The following NDUFA12 variants were observed in gnomAD, a reference collection of about 807,000 sequenced individuals.
The protein encoded by NDUFA12 is NADH dehydrogenase [ubiquinone] 1 alpha subcomplex subunit 12.
NDUFA12 carries 17 observed loss-of-function variants against 20.3 expected under a neutral mutation model. The observed-to-expected ratio is 0.84, with a 90% CI of 0.57 to 1.26. NDUFA12 has a LOEUF of 1.26. Among genes scored for constraint, NDUFA12 ranks in the 50% most tolerant of loss-of-function variants. The probability of loss-of-function intolerance (pLI) is 0.00; values close to 1 mark genes in which losing one functional copy is unlikely to be tolerated. For synonymous variants in NDUFA12, 72 were observed against 63.6 expected (o/e 1.13, Z -0.63); for missense variants, 191 against 183.7 (o/e 1.04, Z -0.23).
chr12:95,002,207 C>G lies in NDUFA12; in HGVS notation c.169+532G>C, dbSNP rs556879737. Reference sequence around the variant, plus strand: ...CTGTAATCCCAGCACTTTGGGGGGCCAAGGCGGGTGGATCACGAGGTCAGG... The same window carrying G: ...CTGTAATCCCAGCACTTTGGGGGGCGAAGGCGGGTGGATCACGAGGTCAGG... On this transcript the variant is annotated intron_variant, in intron 2 of 3. Coordinates refer to ENST00000327772, the MANE Select transcript of NDUFA12 (RefSeq NM_018838.5). Among the ~76,000 whole-genome samples, 83 of 150,764 alleles carry G rather than the reference C, an allele frequency of 5.5e-4. 1 individual carries two copies. The highest frequency in any genetic ancestry group is 4.2e-3 in the South Asian group (20 of 4,774).
chr12:94,978,380 G>C (rs1874127552), intron 3 of NDUFA12, among the ~76,000 whole-genome samples: 1 of 152,186 alleles, frequency 6.6e-6, no homozygotes, highest in Non-Finnish European at 1.5e-5. Context: ...GGGATATATG[G>C]AGAAACGAAA....
At chr12:94,986,115 A>T (rs11107843) in intron 3 of NDUFA12, among the ~76,000 whole-genome samples, 12 of 127,644 alleles carry the variant, frequency 9.4e-5, no homozygotes, top group African/African-American at 2.5e-4. Flanking sequence ...ATAAATAAAT[A>T]AGCTAGTCTC....
chr12:95,001,874 T>G (rs1286053236), intron 2 of NDUFA12, among the ~76,000 whole-genome samples: 1 of 151,852 alleles, frequency 6.6e-6, no homozygotes, highest in Non-Finnish European at 1.5e-5. Context: ...CCAGCTAATT[T>G]TTGTATTTTT....
intron 3 of NDUFA12, among the ~76,000 whole-genome samples, chr12:94,979,675 A>T (rs1874175384): frequency 6.6e-6 from 1 of 151,872 alleles, no homozygotes; most frequent in African/African-American, 2.4e-5. Flanking sequence ...TATAAAAAAA[A>T]AAATACAAAA....
intron 3 of NDUFA12, among the ~76,000 whole-genome samples, chr12:94,979,836 A>AG (rs1874181200): frequency 2.3e-5 from 1 of 43,400 alleles, no homozygotes; most frequent in Admixed American, 2.4e-4. Context: ...ACCCTGTCTC[A>AG]AAAAAAAAAA....
intron 2 of NDUFA12, among the ~76,000 whole-genome samples, chr12:94,997,865 G>A (rs933224898): frequency 1.3e-5 from 2 of 152,150 alleles, no homozygotes; most frequent in Non-Finnish European, 2.9e-5. Flanking sequence ...CTTATTATGT[G>A]CCAAGCATTA....
intron 3 of NDUFA12, among the ~76,000 whole-genome samples, chr12:94,986,769 C>T (rs1332230275): frequency 1.3e-5 from 2 of 151,886 alleles, no homozygotes; most frequent in South Asian, 2.1e-4. Flanking sequence ...TCAGCCTGGG[C>T]GACAGAGTGA....
At chr12:94,990,176 C>A (rs1446681510) in intron 3 of NDUFA12, among the ~76,000 whole-genome samples, 3 of 151,696 alleles carry the variant, frequency 2.0e-5, no homozygotes, top group African/African-American at 7.3e-5. Flanking sequence ...ACCATCATGG[C>A]ACATGTTTAC....
chr12:95,002,337 C>G (rs1420662349), intron 2 of NDUFA12, among the ~76,000 whole-genome samples: 4 of 145,868 alleles, frequency 2.7e-5, no homozygotes, highest in Non-Finnish European at 6.0e-5. Context: ...ACTACTCAGG[C>G]AGGCTGAGGC....
chr12:94,975,530 G>A (rs1038645456), intron 3 of NDUFA12, among the ~76,000 whole-genome samples: 20 of 152,216 alleles, frequency 1.3e-4, no homozygotes, highest in Non-Finnish European at 2.5e-4. Context: ...CCCTTCTAGA[G>A]GGCAATTTGG....
chr12:94,992,515 CT>C (rs1177717868), intron 3 of NDUFA12, among the ~76,000 whole-genome samples: 1 of 152,206 alleles, frequency 6.6e-6, no homozygotes, highest in East Asian at 1.9e-4. Flanking sequence ...GTTGACATGC[CT>C]CCATCAAGAG....
chr12:94,979,551 C>T lies in NDUFA12; in HGVS notation c.258-7931G>A, dbSNP rs561751137. On this transcript the variant is annotated intron_variant, in intron 3 of 3. Transcript: ENST00000327772. Reference sequence around the variant, plus strand: ...CTACACAGAAAGGATTAAAAAGGGACGGGGTGAGGTGGCTTACACCTGTAA... The same window carrying T: ...CTACACAGAAAGGATTAAAAAGGGATGGGGTGAGGTGGCTTACACCTGTAA... 9.9e-5 allele frequency among the ~76,000 whole-genome samples: 15 copies of T among 151,924 alleles called. No homozygotes were observed. The South Asian group carries it at 1.2e-3, about 13-fold the overall frequency.
chr12:94,988,344 A>G (rs1874522819), intron 3 of NDUFA12, among the ~76,000 whole-genome samples: 2 of 152,164 alleles, frequency 1.3e-5, no homozygotes, highest in Admixed American at 6.5e-5. Flanking sequence ...CAAGACGTAC[A>G]CACTAAAGTA....
chr12:94,996,368 GTC>G (rs35048118), intron 2 of NDUFA12, among the ~76,000 whole-genome samples: 11,810 of 132,116 alleles, frequency 0.089, 539 homozygotes, highest in East Asian at 0.16. Flanking sequence ...CGAGATGGGG[GTC>G]TCTATGTTGC....
chr12:94,979,653 A>G (rs1244837095), intron 3 of NDUFA12, among the ~76,000 whole-genome samples: 1 of 143,922 alleles, frequency 6.9e-6, no homozygotes, highest in African/African-American at 2.6e-5. Flanking sequence ...TAACATGGAG[A>G]AACCCCACCC....
At chr12:95,001,445 C>A (rs1875022640) in intron 2 of NDUFA12, among the ~76,000 whole-genome samples, 1 of 151,984 alleles carries the variant, frequency 6.6e-6, no homozygotes, top group Non-Finnish European at 1.5e-5. Flanking sequence ...CATAGCAAGA[C>A]CTCGTCTCTC....
At position 94,971,472 on chromosome 12, in the gene NDUFA12, C is replaced by A. The variant is rs1360877398; in HGVS notation, c.406G>T (p.Glu136Ter). The A allele has an allele frequency of 1.2e-6, 2 of 1,614,088 alleles. No individual in the cohort carries two copies. The highest frequency in any genetic ancestry group is 1.3e-5 in the African/African-American group (1 of 74,930). ...TAAGGTGTTGAAGGTGGGATCCACT[C>A]CTGAATCTTCTTTCTAGTGGTAGAA... Reference protein sequence around the residue: ...PYSTTRKKIQEWIPPSTPYK With the variant: ...PYSTTRKKIQ The change falls in exon 4 of 4, where the codon GAG becomes TAG. Residue 136 changes from glutamate to a stop codon, truncating the protein, a stop_gained. Transcript: ENST00000327772. LOFTEE classifies it high-confidence loss of function.
chr12:95,003,621 G>A lies in NDUFA12; in HGVS notation c.60C>T (p.Leu20=), dbSNP rs776226216. ...TGAAAAAAACCCGTAGATAGCCTCG[G>A]AGACCGCCGTGGCCGGTGATCTGCT... is the stretch of plus-strand genomic sequence containing the variant. ...GLQQITGHGG[L]RGYLRVFFRT... Residue 20 remains leucine (L), a synonymous_variant, in exon 1 of 4, where the codon CTC becomes CTT. Transcript: ENST00000327772. The A allele has an allele frequency of 3.7e-6, 6 of 1,614,068 alleles. No homozygotes were observed. The South Asian group carries it at 6.6e-5, about 18-fold the overall frequency.
chr12:94,991,726 CAA>C (rs367869799), intron 3 of NDUFA12, among the ~76,000 whole-genome samples: 27 of 113,094 alleles, frequency 2.4e-4, no homozygotes, highest in Middle Eastern at 4.1e-3. Context: ...GACGCTATCT[CAA>C]AAAAAAAAAA....
Sources: gnomAD v4.1 joint callset for allele counts (sites outside exome capture counted in the v4.1 genomes callset) on GRCh38, gnomAD v4.1.1 for gene constraint, MANE v1.5 for transcripts, NCBI Gene and HGNC (gene_info 2026-07-23, HGNC 2026-07-21) for gene names.